Variants in MYLK2 observed in about 807,000 individuals in gnomAD.
The protein encoded by MYLK2 is myosin light chain kinase 2.
Under a neutral mutation model 58.2 loss-of-function variants are expected in MYLK2, and 27 were observed. The observed-to-expected ratio is 0.46, with a 90% CI of 0.34 to 0.64. The LOEUF (loss-of-function observed/expected upper bound fraction) is 0.64. Among genes scored for constraint, MYLK2 ranks in the 30% least tolerant of loss-of-function variants. The pLI is 0.01. For missense variants in MYLK2, 676 were observed against 764.3 expected (o/e 0.88, Z 1.36); for synonymous variants, 310 against 296.7 (o/e 1.04, Z -0.46).
At chr20:31,827,138 GGAA>G in intron 8 of MYLK2, 200 bp downstream of exon 8, 1 of 936,948 alleles carries the variant, frequency 1.1e-6, no homozygotes, top group Non-Finnish European at 1.3e-6. Flanking sequence ...AGAGAGGGGG[GGAA>G]AAAAAAAAGA....
rs975414624 is a variant in MYLK2, at chr20:31,833,951, C to G, written c.*154C>G. On this transcript the variant is annotated 3_prime_UTR_variant, in exon 13 of 13. Transcript: ENST00000375985. ...GGGAGGCTCGGGGCTCCCCACGCCCCCATGCAGTGACCGCTTCCCCGATGT... is the reference window on the plus strand; with the variant it reads ...GGGAGGCTCGGGGCTCCCCACGCCCGCATGCAGTGACCGCTTCCCCGATGT... 3.0e-6 allele frequency: 2 copies of G among 676,018 alleles called. No homozygotes were observed. The highest frequency in any genetic ancestry group is 5.1e-6 in the Non-Finnish European group (2 of 393,906). The allele number at this position is 676,018 out of a possible 1,614,324, so 41.9% of individuals were successfully genotyped here. A position where few individuals can be genotyped will look rare whatever the true frequency, so the allele number is the denominator to read the frequency against.
intron 2 of MYLK2, 101 bp from the exon 3 acceptor site, chr20:31,820,025 G>A (rs995517276): frequency 9.5e-6 from 14 of 1,474,428 alleles, no homozygotes; most frequent in Middle Eastern, 4.7e-4. Context: ...GCAAGTTGTT[G>A]CCTGGGTGGG....
At chr20:31,821,850 T>A (rs1171461209) in intron 4 of MYLK2, 113 bp downstream of exon 4, 14 of 979,838 alleles carry the variant, frequency 1.4e-5, no homozygotes, top group Non-Finnish European at 2.0e-5. Flanking sequence ...AGCCAAGCCT[T>A]ACCCAGGCCC....
Position 31,831,996 on chromosome 20 carries a change from T to TC in MYLK2, c.1578-3dup. ...CAGCCCACCGTCACCATGCTGCCTC[T>TC]CCCCCAGGGCCCGGATGAACGCTGC... On this transcript the variant is annotated splice_region_variant and splice_polypyrimidine_tract_variant and intron_variant, in intron 11 of 12. Transcript: ENST00000375985. 1 of 1,611,054 alleles carries TC rather than the reference T, an allele frequency of 6.2e-7. No homozygotes were observed. Among genetic ancestry groups the TC allele is most frequent in the South Asian group, 1.1e-5 (1 of 90,676 alleles).
chr20:31,832,395 C>T (rs570304711), intron 12 of MYLK2, among the ~76,000 whole-genome samples: 1 of 152,324 alleles, frequency 6.6e-6, no homozygotes, highest in East Asian at 1.9e-4. Context: ...ATTTCTTGAG[C>T]ATCTACTACT....
chr20:31,824,897 AG>A (rs1245815138), intron 6 of MYLK2, among the ~76,000 whole-genome samples: 3 of 152,250 alleles, frequency 2.0e-5, no homozygotes, highest in Non-Finnish European at 1.5e-5. Context: ...GCTGTGACTC[AG>A]GGAAACTGCG....
intron 4 of MYLK2, 144 bp downstream of exon 4, chr20:31,821,881 A>G: frequency 1.5e-6 from 1 of 667,234 alleles, no homozygotes; most frequent in Non-Finnish European, 2.5e-6. Context: ...GGGTCACACA[A>G]CTCCAGAAAG....
At chr20:31,831,681 C>A (rs780082757) in intron 10 of MYLK2, 22 bp from the exon 11 acceptor site, 2 of 1,613,646 alleles carry the variant, frequency 1.2e-6, no homozygotes, top group East Asian at 4.5e-5. Context: ...CCTCCCTGCC[C>A]CCTGCTATCC....
In MYLK2 at chr20:31,819,513, C is replaced by T. The variant is rs2062240716; in HGVS notation, c.-48-20C>T. 1 of 1,544,090 alleles carries T rather than the reference C, an allele frequency of 6.5e-7. No homozygotes were observed. Among genetic ancestry groups the T allele is most frequent in the Admixed American group, 2.0e-5 (1 of 50,956 alleles). On this transcript the variant is annotated intron_variant, in intron 1 of 12. Coordinates refer to ENST00000375985, the MANE Select transcript of MYLK2 (RefSeq NM_033118.4). The stretch of plus-strand genomic sequence containing the variant: ...AGGGGAAATTGGACAGCCTGACACA[C>T]TCCACTCTTGTTTCTGCAGCTAGAA...
intron 4 of MYLK2, 41 bp downstream of exon 4, chr20:31,821,778 C>T: frequency 6.6e-7 from 1 of 1,525,120 alleles, no homozygotes; most frequent in African/African-American, 1.4e-5. Flanking sequence ...GCCCTGGGGC[C>T]AGGGGGAGGG....
intron 8 of MYLK2, among the ~76,000 whole-genome samples, chr20:31,830,357 T>C (rs1316612776): frequency 6.6e-6 from 1 of 152,094 alleles, no homozygotes; most frequent in Non-Finnish European, 1.5e-5. Flanking sequence ...CCTGGAGTAG[T>C]GTGAAGCCCC....
intron 3 of MYLK2, 129 bp downstream of exon 3, chr20:31,820,675 T>G: frequency 8.3e-7 from 1 of 1,210,238 alleles, no homozygotes; most frequent in South Asian, 1.3e-5. Flanking sequence ...TGACATTCAG[T>G]TTCCTCTGTC....
intron 6 of MYLK2, among the ~76,000 whole-genome samples, chr20:31,825,377 G>T (rs1230094669): frequency 1.3e-5 from 2 of 152,160 alleles, no homozygotes; most frequent in African/African-American, 4.8e-5. Context: ...ATTAACTGGG[G>T]CCAGTTTTCA....
chr20:31,831,125 G>T lies in MYLK2; in HGVS notation c.1408G>T (p.Val470Leu). 6.2e-7 allele frequency: 1 copy of T among 1,614,120 alleles called. No individual in the cohort carries two copies. Among genetic ancestry groups the T allele is most frequent in the Non-Finnish European group, 8.5e-7 (1 of 1,180,002 alleles). Reference protein sequence around the residue: ...SDKTDMWSMGVITYMLLSGLS... With the variant: ...SDKTDMWSMGLITYMLLSGLS... Reference sequence around the variant, plus strand: ...TAAGACAGACATGTGGAGTATGGGGGTGATCACCTACATGCTGTGAGCTCC... The same window carrying T: ...TAAGACAGACATGTGGAGTATGGGGTTGATCACCTACATGCTGTGAGCTCC... The change falls in exon 10 of 13, where the codon GTG becomes TTG. Residue 470 changes from valine (V) to leucine (L), a missense_variant. Val to Leu is a conservative substitution (Grantham distance 32). Around this residue, in one of 2 missense-constraint regions of MYLK2, gnomAD observed 370 missense variants for 467.8 expected, o/e 0.79. Coordinates refer to ENST00000375985, the MANE Select transcript of MYLK2 (RefSeq NM_033118.4).
chr20:31,820,592 C>G, intron 3 of MYLK2, 46 bp downstream of exon 3: 1 of 1,591,704 alleles, frequency 6.3e-7, no homozygotes, highest in South Asian at 1.1e-5. Context: ...GTGGTTCTGT[C>G]CCTAGGGGTC....
At position 31,828,451 on chromosome 20, in the gene MYLK2, C is replaced by T. The variant is rs909136090; in HGVS notation, c.1224+1513C>T. Reference sequence around the variant, plus strand: ...TGCTGGGTACTTTCCTTAATTCATTCGATAAGCACGTGCTGGGTACCTGCT... The same window carrying T: ...TGCTGGGTACTTTCCTTAATTCATTTGATAAGCACGTGCTGGGTACCTGCT... On this transcript the variant is annotated intron_variant, in intron 8 of 12. Coordinates refer to ENST00000375985, the MANE Select transcript of MYLK2 (RefSeq NM_033118.4). 1.2e-5 allele frequency: 12 copies of T among 985,250 alleles called. No individual in the cohort carries two copies. The African/African-American group carries it at 1.6e-4, about 13-fold the overall frequency. The allele number at this position is 985,250 out of a possible 1,614,324, so 61.0% of individuals were successfully genotyped here. A position where few individuals can be genotyped will look rare whatever the true frequency, so the allele number is the denominator to read the frequency against.
intron 8 of MYLK2, chr20:31,828,595 C>T (rs185586640): frequency 4.0e-4 from 390 of 984,794 alleles, no homozygotes; most frequent in Non-Finnish European, 4.5e-4. Flanking sequence ...CATTTTAAGC[C>T]ATGAAAAGTG....
Position 31,821,487 on chromosome 20 carries a change from C to T in MYLK2, c.522C>T (p.Leu174=). 6.2e-7 allele frequency: 1 copy of T among 1,613,970 alleles called. No individual in the cohort carries two copies. Among genetic ancestry groups the T allele is most frequent in the Non-Finnish European group, 8.5e-7 (1 of 1,180,036 alleles). ...AGCCCCCAAGCGAGGCATCAGAGCT[C>T]ACCTTTGAAGGGGTGCCCATGACCC... ...AKKPPSEASE[L]TFEGVPMTHS... Residue 174 remains leucine (L), a synonymous_variant, in exon 4 of 13, where the codon CTC becomes CTT. Transcript: ENST00000375985.
rs751084569 is a variant in MYLK2 at position 31,820,240 on chromosome 20, C to A, written c.167C>A (p.Ala56Asp). ...CCCACCCTGAAGAAAGATGCCAAAG[C>A]CCCTGCCTCAGAGAAAGGGGATGGT... ...DPPTLKKDAK[A>D]PASEKGDGTL... The change falls in exon 3 of 13, where the codon GCC becomes GAC. Residue 56 changes from alanine to aspartate, a missense_variant. By Grantham distance (126) the Ala-to-Asp change is moderately radical (BLOSUM62 -2). This residue lies in a region of MYLK2 where 306 missense variants were observed against 296.5 expected (regional missense o/e 1.03). Coordinates refer to ENST00000375985, the MANE Select transcript of MYLK2 (RefSeq NM_033118.4). 6.2e-7 allele frequency: 1 copy of A among 1,614,082 alleles called. No individual in the cohort carries two copies. Among genetic ancestry groups the A allele is most frequent in the Admixed American group, 1.7e-5 (1 of 60,036 alleles).
Sources: allele counts gnomAD v4.1 joint callset (sites outside exome capture counted in the v4.1 genomes callset), GRCh38; gene constraint gnomAD v4.1.1; regional missense constraint gnomAD v4.1.1; transcripts MANE v1.5; gene names NCBI Gene and HGNC (gene_info 2026-07-23, HGNC 2026-07-21).